ERBB4: variants seen among roughly 807,000 people sequenced by gnomAD.
The protein encoded by ERBB4 is receptor tyrosine-protein kinase erbB-4.
In ERBB4, 42 loss-of-function variants were observed where a neutral mutation model predicts 158.0. The ratio of observed to expected loss-of-function variants is 0.27; its 90% CI spans 0.21 to 0.34. The LOEUF is 0.34. ERBB4 is among the 10% of genes least tolerant of loss of function. ERBB4 has a pLI of 1.00. For synonymous variants in ERBB4, 583 were observed against 558.7 expected (o/e 1.04, Z -0.61); for missense variants, 1,333 against 1,624.1 (o/e 0.82, Z 3.08).
At chr2:211,970,183 C>T (rs1387892172) in intron 2 of ERBB4, among the ~76,000 whole-genome samples, 1 of 152,050 alleles carries the variant, frequency 6.6e-6, no homozygotes, top group Admixed American at 6.6e-5. Context: ...TCAATTTCCA[C>T]ATAATTGTAT....
At chr2:211,402,169 CT>C (rs1203217311) in intron 25 of ERBB4, among the ~76,000 whole-genome samples, 1 of 151,976 alleles carries the variant, frequency 6.6e-6, no homozygotes, top group African/African-American at 2.4e-5. Context: ...ATATCCCAGA[CT>C]TTTAGAAACC....
chr2:211,871,229 T>C (rs951862273), intron 3 of ERBB4, among the ~76,000 whole-genome samples: 18 of 152,232 alleles, frequency 1.2e-4, no homozygotes, highest in East Asian at 5.8e-4. Context: ...CAAAAGATAT[T>C]TGGGCATGCC....
chr2:211,745,691 T>C (rs2074944199), intron 5 of ERBB4, among the ~76,000 whole-genome samples: 1 of 141,604 alleles, frequency 7.1e-6, no homozygotes, highest in East Asian at 2.1e-4. Context: ...TGAATTTCAT[T>C]GTGCCCCCCA....
intron 3 of ERBB4, among the ~76,000 whole-genome samples, chr2:211,917,470 C>T (rs1429332231): frequency 6.6e-6 from 1 of 152,094 alleles, no homozygotes; most frequent in Non-Finnish European, 1.5e-5. Context: ...GTCATTACCA[C>T]AACAGATGAA....
chr2:211,644,865 C>T (rs1308286320), intron 16 of ERBB4, among the ~76,000 whole-genome samples: 2 of 151,950 alleles, frequency 1.3e-5, no homozygotes, highest in Non-Finnish European at 2.9e-5. Flanking sequence ...TTAAAGCTTT[C>T]AGATTGCATA....
At chr2:211,800,835 T>TA (rs1051050462) in intron 3 of ERBB4, among the ~76,000 whole-genome samples, 26 of 152,062 alleles carry the variant, frequency 1.7e-4, no homozygotes, top group African/African-American at 5.5e-4. Flanking sequence ...TTCAATTTGG[T>TA]AAAAAAATAG....
intron 3 of ERBB4, among the ~76,000 whole-genome samples, chr2:211,880,905 G>A (rs929311597): frequency 6.6e-6 from 1 of 152,120 alleles, no homozygotes; most frequent in Non-Finnish European, 1.5e-5. Flanking sequence ...AATTGAAGAG[G>A]ACCAACAATT....
intron 3 of ERBB4, among the ~76,000 whole-genome samples, chr2:211,882,064 CACA>C (rs1208661817): frequency 3.9e-5 from 6 of 152,162 alleles, no homozygotes; most frequent in Admixed American, 2.0e-4. Context: ...CCTTCTGCAC[CACA>C]ACAACACCCC....
rs2082017832 is a variant in ERBB4, at chr2:211,989,493, T to G, written c.235-41877A>C. On this transcript the variant is annotated intron_variant, in intron 2 of 27. Transcript: ENST00000342788. ...CTCTATAATATTCTTAAAATAAATT[T>G]TATTCATATAATATTTCTTCTGTTT... is the stretch of plus-strand genomic sequence containing the variant. Among the ~76,000 whole-genome samples, 3 of 151,896 alleles carry G rather than the reference T, an allele frequency of 2.0e-5. No individual in the cohort carries two copies. The South Asian group carries it at 6.2e-4, about 31-fold the overall frequency.
At chr2:212,438,407 G>A (rs943180494) in intron 1 of ERBB4, among the ~76,000 whole-genome samples, 1 of 151,956 alleles carries the variant, frequency 6.6e-6, no homozygotes, top group African/African-American at 2.4e-5. Context: ...AACAAATATC[G>A]ATCATTTCCT....
chr2:212,341,394 G>A (rs2106319919), intron 1 of ERBB4, among the ~76,000 whole-genome samples: 1 of 151,818 alleles, frequency 6.6e-6, no homozygotes, highest in Non-Finnish European at 1.5e-5. Context: ...TATTTGCATA[G>A]GTATAGCCCC....
chr2:211,779,989 G>A (rs554975020), intron 4 of ERBB4, among the ~76,000 whole-genome samples: 1 of 152,072 alleles, frequency 6.6e-6, no homozygotes, highest in African/African-American at 2.4e-5. Flanking sequence ...CCATGACCAC[G>A]CCCTTATAAT....
At chr2:211,882,914 A>G (rs1266845096) in intron 3 of ERBB4, among the ~76,000 whole-genome samples, 2 of 152,136 alleles carry the variant, frequency 1.3e-5, no homozygotes, top group Admixed American at 6.5e-5. Flanking sequence ...GGGTTCTAAT[A>G]TCTACTGATC....
chr2:212,092,324 G>T (rs1407826010), intron 2 of ERBB4, among the ~76,000 whole-genome samples: 1 of 152,116 alleles, frequency 6.6e-6, no homozygotes, highest in Non-Finnish European at 1.5e-5. Flanking sequence ...TGTTGCTCTT[G>T]TTCAGTGCTC....
chr2:212,470,015 T>C (rs1429799620), intron 1 of ERBB4, among the ~76,000 whole-genome samples: 1 of 152,162 alleles, frequency 6.6e-6, no homozygotes, highest in Non-Finnish European at 1.5e-5. Context: ...ATAGTAATCC[T>C]GAAATTCTCT....
chr2:211,957,338 G>A (rs1014595929), intron 2 of ERBB4, among the ~76,000 whole-genome samples: 3 of 152,054 alleles, frequency 2.0e-5, no homozygotes, highest in Non-Finnish European at 4.4e-5. Context: ...ACAGAGAGAA[G>A]TTGGTCATCT....
intron 3 of ERBB4, among the ~76,000 whole-genome samples, chr2:211,825,773 A>C (rs1179844139): frequency 1.4e-5 from 2 of 147,500 alleles, no homozygotes; most frequent in Non-Finnish European, 3.0e-5. Flanking sequence ...TATATATTAT[A>C]TATTATTAAT....
chr2:211,490,554 A>G (rs2065313850), intron 20 of ERBB4, among the ~76,000 whole-genome samples: 1 of 152,036 alleles, frequency 6.6e-6, no homozygotes, highest in African/African-American at 2.4e-5. Flanking sequence ...TAACTCACCT[A>G]TTGTAAATCA....
intron 20 of ERBB4, among the ~76,000 whole-genome samples, chr2:211,442,429 G>C (rs769632654): frequency 1.3e-5 from 2 of 151,748 alleles, no homozygotes; most frequent in Non-Finnish European, 2.9e-5. Context: ...CATCCATCTG[G>C]AGCTAAACCC....
Sources: allele counts gnomAD v4.1 joint callset (sites outside exome capture counted in the v4.1 genomes callset), GRCh38; gene constraint gnomAD v4.1.1; transcripts MANE v1.5; gene names NCBI Gene and HGNC (gene_info 2026-07-23, HGNC 2026-07-21).